The following TSHZ2 variants were observed in gnomAD, a reference collection of about 807,000 sequenced individuals.
TSHZ2 encodes the protein teashirt zinc finger homeobox 2.
In TSHZ2, 21 loss-of-function variants were observed where a neutral mutation model predicts 74.4. The ratio of observed to expected loss-of-function variants is 0.28; its 90% CI spans 0.20 to 0.41. The LOEUF (loss-of-function observed/expected upper bound fraction) is 0.41, where lower values mean the gene tolerates loss of function less well. Ranked by LOEUF, TSHZ2 falls within the 10% of genes least tolerant of loss-of-function variation. The pLI, the probability that TSHZ2 is intolerant of heterozygous loss-of-function variation, is 1.00. For missense variants in TSHZ2, 1,244 were observed against 1,293.5 expected, an observed-to-expected ratio of 0.96 and a Z score of 0.59; for synonymous variants, 540 against 515.3, an observed-to-expected ratio of 1.05 and a Z score of -0.65.
intron 2 of TSHZ2, among the ~76,000 whole-genome samples, chr20:53,475,244 C>A (rs993791789): frequency 1.5e-5 from 2 of 129,640 alleles, no homozygotes; most frequent in Non-Finnish European, 3.2e-5. Context: ...CCAAAATTGA[C>A]CACATACTTG....
intron 1 of TSHZ2, among the ~76,000 whole-genome samples, chr20:53,151,441 G>A (rs906605193): frequency 3.9e-5 from 6 of 152,154 alleles, no homozygotes; most frequent in African/African-American, 1.4e-4. Flanking sequence ...ATTCTTTGAG[G>A]CAGATGTGTT....
At position 53,489,211 on chromosome 20, in the gene TSHZ2, G is replaced by A. The variant is rs1334824854; in HGVS notation, c.*2076G>A. 3 of 455,576 alleles carry A rather than the reference G, an allele frequency of 6.6e-6. No homozygotes were observed. The highest frequency in any genetic ancestry group is 6.0e-5 in the African/African-American group (3 of 49,982). The allele number at this position is 455,576 out of a possible 1,614,324, so 28.2% of individuals were successfully genotyped here. A position where few individuals can be genotyped will look rare whatever the true frequency, so the allele number is the denominator to read the frequency against. On this transcript the variant is annotated 3_prime_UTR_variant, in exon 3 of 3. Coordinates refer to ENST00000371497, the MANE Select transcript of TSHZ2 (RefSeq NM_173485.6). ...ATGTAGTTCTGACATGAAAAGCAAGGTGCTGATATTATTTTTTATGATGGG... is the reference window on the plus strand; with the variant it reads ...ATGTAGTTCTGACATGAAAAGCAAGATGCTGATATTATTTTTTATGATGGG...
intron 2 of TSHZ2, among the ~76,000 whole-genome samples, chr20:53,423,735 C>G (rs1478451265): frequency 6.6e-6 from 1 of 152,222 alleles, no homozygotes; most frequent in Admixed American, 6.5e-5. Flanking sequence ...ATTGGTTCCC[C>G]CTCTGTTTGA....
intron 1 of TSHZ2, among the ~76,000 whole-genome samples, chr20:53,039,232 C>T (rs940248720): frequency 1.3e-5 from 2 of 152,118 alleles, no homozygotes; most frequent in South Asian, 2.1e-4. Context: ...TCAGTGACTT[C>T]ATCCACTTTG....
intron 2 of TSHZ2, among the ~76,000 whole-genome samples, chr20:53,379,990 G>T (rs1981797778): frequency 6.6e-6 from 1 of 152,156 alleles, no homozygotes; most frequent in Non-Finnish European, 1.5e-5. Context: ...CTTTCATCCT[G>T]CCAAAAACTA....
At chr20:53,033,826 A>T (rs1469077187) in intron 1 of TSHZ2, among the ~76,000 whole-genome samples, 1 of 151,396 alleles carries the variant, frequency 6.6e-6, no homozygotes, top group Non-Finnish European at 1.5e-5. Context: ...GGCCTGGATA[A>T]TTTTTGTATT....
intron 1 of TSHZ2, among the ~76,000 whole-genome samples, chr20:53,043,793 A>G (rs777366276): frequency 2.0e-5 from 3 of 152,094 alleles, no homozygotes; most frequent in Non-Finnish European, 4.4e-5. Flanking sequence ...AAAAAAAAAA[A>G]CTGATACCTG....
intron 2 of TSHZ2, among the ~76,000 whole-genome samples, chr20:53,462,080 AAAAAAAAG>A (rs1023868118): frequency 9.9e-5 from 15 of 152,144 alleles, no homozygotes; most frequent in African/African-American, 3.4e-4. Flanking sequence ...AAAAATACAA[AAAAAAAAG>A]AAAAAAAGAA....
intron 1 of TSHZ2, among the ~76,000 whole-genome samples, chr20:53,122,627 C>T (rs562724672): frequency 1.3e-4 from 20 of 152,128 alleles, no homozygotes; most frequent in South Asian, 2.1e-4. Context: ...TGTTGGGTTA[C>T]GGGGAGACGT....
chr20:53,082,948 G>A lies in TSHZ2; in HGVS notation c.40+109615G>A, dbSNP rs183586447. Among the ~76,000 whole-genome samples, 134 of 152,304 alleles carry A rather than the reference G, an allele frequency of 8.8e-4. No homozygotes were observed. The Middle Eastern group carries it at 0.014, about 15-fold the overall frequency. ...GAAACAGGGTGCTCCTGGTTAGATG[G>A]AGGCAAGGCCAGAGCCTTGACACTT... On this transcript the variant is annotated intron_variant, in intron 1 of 2. Transcript: ENST00000371497.
chr20:53,017,468 G>A (rs112761252), intron 1 of TSHZ2, among the ~76,000 whole-genome samples: 43 of 152,006 alleles, frequency 2.8e-4, no homozygotes, highest in Non-Finnish European at 4.6e-4. Context: ...GATATGTATC[G>A]TAATGTGTAT....
chr20:53,330,862 T>C (rs192855367), intron 2 of TSHZ2, among the ~76,000 whole-genome samples: 14 of 152,320 alleles, frequency 9.2e-5, no homozygotes, highest in Admixed American at 9.2e-4. Flanking sequence ...ATCTGAAGTG[T>C]GTAGGCTCCT....
chr20:53,192,346 G>T (rs1051940589), intron 1 of TSHZ2, among the ~76,000 whole-genome samples: 5 of 151,782 alleles, frequency 3.3e-5, no homozygotes, highest in African/African-American at 1.2e-4. Context: ...AGACAAGAAG[G>T]CTTCCAAAGG....
At chr20:53,390,329 G>T (rs897315626) in intron 2 of TSHZ2, among the ~76,000 whole-genome samples, 8 of 152,054 alleles carry the variant, frequency 5.3e-5, no homozygotes, top group African/African-American at 1.9e-4. Context: ...CCTTGATCTT[G>T]GATAATTTAA....
chr20:52,977,537 G>A (rs1981392905), intron 1 of TSHZ2, among the ~76,000 whole-genome samples: 1 of 151,416 alleles, frequency 6.6e-6, no homozygotes, highest in South Asian at 2.1e-4. Flanking sequence ...TGTTACTTAA[G>A]GCAGATATCT....
At chr20:53,225,630 A>G (rs1231220398) in intron 1 of TSHZ2, among the ~76,000 whole-genome samples, 1 of 152,234 alleles carries the variant, frequency 6.6e-6, no homozygotes, top group Admixed American at 6.5e-5. Flanking sequence ...CGCTATGGCA[A>G]CTATTGGTAG....
chr20:53,467,566 TA>T (rs1370312221), intron 2 of TSHZ2, among the ~76,000 whole-genome samples: 6 of 152,198 alleles, frequency 3.9e-5, no homozygotes. Context: ...TACTATATAT[TA>T]TTATCCTGAT....
At chr20:53,041,013 C>T (rs367963242) in intron 1 of TSHZ2, among the ~76,000 whole-genome samples, 22 of 152,190 alleles carry the variant, frequency 1.4e-4, no homozygotes, top group Non-Finnish European at 2.8e-4. Context: ...CAAGGGGAAA[C>T]GAAACTGGTT....
At chr20:53,265,506 G>A (rs141614026) in intron 2 of TSHZ2, among the ~76,000 whole-genome samples, 76 of 152,266 alleles carry the variant, frequency 5.0e-4, no homozygotes, top group Non-Finnish European at 1.0e-3. Flanking sequence ...CTCCAGCCCC[G>A]CAGCGTTAAC....
Sources: allele counts gnomAD v4.1 joint callset (sites outside exome capture counted in the v4.1 genomes callset), GRCh38; gene constraint gnomAD v4.1.1; transcripts MANE v1.5; gene names NCBI Gene and HGNC (gene_info 2026-07-23, HGNC 2026-07-21).